HMGA2: variants seen among roughly 807,000 people sequenced by gnomAD.
HMGA2 encodes the protein high mobility group AT-hook 2, also known as high mobility group protein HMGI-C.
Under a neutral mutation model 19.1 loss-of-function variants are expected in HMGA2, and 8 were observed. The ratio of observed to expected loss-of-function variants is 0.42; its 90% CI spans 0.25 to 0.76. The LOEUF (loss-of-function observed/expected upper bound fraction) is 0.76, where lower values mean the gene tolerates loss of function less well. Ranked by LOEUF, HMGA2 falls within the 30% of genes least tolerant of loss-of-function variation. The probability of loss-of-function intolerance (pLI) is 0.28; values close to 1 mark genes in which losing one functional copy is unlikely to be tolerated. For missense variants in HMGA2, 109 were observed against 136.3 expected (o/e 0.80, Z 1.00); for synonymous variants, 60 against 48.8 (o/e 1.23, Z -0.96).
intron 3 of HMGA2, among the ~76,000 whole-genome samples, chr12:65,890,727 CTTT>C (rs113634383): frequency 4.2e-5 from 6 of 141,940 alleles, no homozygotes; most frequent in Non-Finnish European, 6.2e-5. Context: ...TCAGTATATT[CTTT>C]TTTTTTTTTT....
At chr12:65,952,136 C>A in intron 4 of HMGA2, 2 of 458,598 alleles carry the variant, frequency 4.4e-6, no homozygotes, top group Non-Finnish European at 7.7e-6. Flanking sequence ...ATAATGTGAG[C>A]CAGTATTAAA....
intron 3 of HMGA2, among the ~76,000 whole-genome samples, chr12:65,843,754 C>G (rs1009145904): frequency 2.6e-5 from 4 of 151,928 alleles, no homozygotes; most frequent in African/African-American, 9.7e-5. Context: ...TTAAGACTTT[C>G]CTTGTTGAAA....
chr12:65,825,394 G>A lies in HMGA2; in HGVS notation c.111+13G>A. On this transcript the variant is annotated intron_variant, in intron 1 of 4. Transcript: ENST00000403681. The surrounding 1 kb of genome is among the most constrained non-coding windows in gnomAD (Gnocchi z 4.4). ...GAAGCAGCAGCAAGTCAGTACGAGG[G>A]CGCGGTGGGGGCACCAGCCCACCCC... 1 of 1,507,156 alleles carries A rather than the reference G, an allele frequency of 6.6e-7. No individual in the cohort carries two copies. The highest frequency in any genetic ancestry group is 1.2e-5 in the South Asian group (1 of 81,106). 93.4% of individuals were successfully genotyped at this position (1,507,156 alleles called of 1,614,324 possible).
In HMGA2 at chr12:65,920,339, C is replaced by T. The variant is rs566542063; in HGVS notation, c.250-31044C>T. Among the ~76,000 whole-genome samples the T allele has an allele frequency of 3.3e-5, 5 of 152,018 alleles. No homozygotes were observed. The South Asian group carries it at 8.3e-4, about 25-fold the overall frequency. ...TAGAGACTGTGAATCTGGGGGCTTG[C>T]CAAGTCCTCAAAAACATCAAGGGCC... is the stretch of plus-strand genomic sequence containing the variant. On this transcript the variant is annotated intron_variant, in intron 3 of 4. Coordinates refer to ENST00000403681, the MANE Select transcript of HMGA2 (RefSeq NM_003483.6).
intron 3 of HMGA2, among the ~76,000 whole-genome samples, chr12:65,911,918 C>T (rs1257685465): frequency 6.6e-6 from 1 of 152,060 alleles, no homozygotes; most frequent in African/African-American, 2.4e-5. Context: ...ACAAGCATGG[C>T]CAAACAGAAA....
chr12:65,827,948 AT>A (rs1386598785), intron 1 of HMGA2, 52 bp from the exon 2 acceptor site: 5 of 1,286,960 alleles, frequency 3.9e-6, no homozygotes, highest in African/African-American at 1.5e-5. Context: ...GTCAGGGTCA[AT>A]TTCTTTCAGA....
intron 3 of HMGA2, among the ~76,000 whole-genome samples, chr12:65,890,666 G>A (rs1237336866): frequency 6.6e-6 from 1 of 151,822 alleles, no homozygotes; most frequent in Non-Finnish European, 1.5e-5. Flanking sequence ...CCATGAAAGG[G>A]AAGTCCTTCT....
intron 3 of HMGA2, among the ~76,000 whole-genome samples, chr12:65,896,268 G>T (rs1874126676): frequency 6.6e-6 from 1 of 152,168 alleles, no homozygotes; most frequent in Non-Finnish European, 1.5e-5. Flanking sequence ...ACAAAGAAGG[G>T]CTTGTGCTCC....
At chr12:65,840,427 A>T (rs968189226) in intron 3 of HMGA2, among the ~76,000 whole-genome samples, 1 of 152,152 alleles carries the variant, frequency 6.6e-6, no homozygotes, top group Non-Finnish European at 1.5e-5. Context: ...TGCTTTATCA[A>T]GATTGGCTGG....
At chr12:65,832,659 A>G (rs1870529225) in intron 2 of HMGA2, among the ~76,000 whole-genome samples, 1 of 152,088 alleles carries the variant, frequency 6.6e-6, no homozygotes, top group Non-Finnish European at 1.5e-5. Context: ...GGTTTTAGTT[A>G]TGAATCTTTG....
intron 2 of HMGA2, among the ~76,000 whole-genome samples, chr12:65,833,654 G>A (rs1870572565): frequency 2.0e-5 from 3 of 152,014 alleles, no homozygotes; most frequent in Non-Finnish European, 4.4e-5. Context: ...CACCCTAGAA[G>A]GTTATCTTTT....
chr12:65,918,598 A>G (rs1454630631), intron 3 of HMGA2, among the ~76,000 whole-genome samples: 1 of 152,212 alleles, frequency 6.6e-6, no homozygotes, highest in Non-Finnish European at 1.5e-5. Context: ...TCACCTTCTT[A>G]TGCTTTAAAA....
chr12:65,909,901 G>A lies in HMGA2; in HGVS notation c.250-41482G>A, dbSNP rs536555882. ...CTCTGGCTTCCACATTCACACCCTCGGTGACCTATTTGGCTCACGTAGTCC... is the reference window on the plus strand; with the variant it reads ...CTCTGGCTTCCACATTCACACCCTCAGTGACCTATTTGGCTCACGTAGTCC... On this transcript the variant is annotated intron_variant, in intron 3 of 4. Transcript: ENST00000403681. 5.9e-5 allele frequency among the ~76,000 whole-genome samples: 9 copies of A among 152,266 alleles called. No homozygotes were observed. In the South Asian group the frequency reaches 8.3e-4, roughly 14 times the overall value.
chr12:65,915,236 C>G, intron 3 of HMGA2: 3 of 1,576,984 alleles, frequency 1.9e-6, no homozygotes, highest in Non-Finnish European at 2.6e-6. Context: ...ATATAGAAAC[C>G]TATCAGGTGT....
chr12:65,866,775 CT>C (rs1351750347), intron 3 of HMGA2: 2 of 453,538 alleles, frequency 4.4e-6, no homozygotes, highest in Admixed American at 2.4e-5. Flanking sequence ...GCAGTGCCAA[CT>C]TTAAAAAAAA....
chr12:65,866,267 G>A (rs1354239536), intron 3 of HMGA2, among the ~76,000 whole-genome samples: 1 of 152,164 alleles, frequency 6.6e-6, no homozygotes, highest in Non-Finnish European at 1.5e-5. Context: ...ATTCTAGAGA[G>A]GGATTATAAA....
Position 65,828,070 on chromosome 12 carries a change from T to C in HMGA2, c.181T>C (p.Ser61Pro), listed in dbSNP as rs374963072. 5.6e-6 allele frequency: 9 copies of C among 1,613,158 alleles called. No individual in the cohort carries two copies. Among genetic ancestry groups the C allele is most frequent in the Non-Finnish European group, 7.6e-6 (9 of 1,179,270 alleles). ...RPKGSKNKSP[S>P]KAAQKKAEAT... ...CAAAGGCAGCAAAAACAAGAGTCCC[T>C]CTAAAGCAGCTCAAAAGGTGAGATT... Residue 61 changes from serine (S) to proline (P), a missense_variant, in exon 2 of 5, where the codon TCT (serine) becomes CCT (proline). By Grantham distance (74) the Ser-to-Pro change is moderately conservative. Coordinates refer to ENST00000403681, the MANE Select transcript of HMGA2 (RefSeq NM_003483.6).
At chr12:65,842,871 T>C (rs1871062115) in intron 3 of HMGA2, 1 of 1,290,166 alleles carries the variant, frequency 7.8e-7, no homozygotes, top group Non-Finnish European at 9.8e-7. Context: ...TTTTAGAGAG[T>C]GGGGCTCAGG....
intron 3 of HMGA2, among the ~76,000 whole-genome samples, chr12:65,860,622 T>C (rs1293018101): frequency 6.6e-6 from 1 of 152,194 alleles, no homozygotes; most frequent in Non-Finnish European, 1.5e-5. Context: ...ATTTGTTAAA[T>C]GAAGAACAAA....
Sources: gnomAD v4.1 joint callset for allele counts (sites outside exome capture counted in the v4.1 genomes callset) on GRCh38, gnomAD v4.1.1 for gene constraint, Gnocchi (gnomAD v3.1) non-coding constraint, MANE v1.5 for transcripts, NCBI Gene and HGNC (gene_info 2026-07-23, HGNC 2026-07-21) for gene names.